The following TRAPPC9 variants were observed in gnomAD, a reference collection of about 807,000 sequenced individuals.
TRAPPC9 encodes the protein IKK2 binding protein.
A neutral mutation model predicts 124.0 loss-of-function variants in TRAPPC9; 83 were observed. The ratio of observed to expected loss-of-function variants is 0.67; its 90% CI spans 0.56 to 0.80. TRAPPC9 has a LOEUF of 0.80. Ranked by LOEUF, TRAPPC9 falls within the 30% of genes least tolerant of loss-of-function variation. The probability of loss-of-function intolerance (pLI) is 0.00; values close to 1 mark genes in which losing one functional copy is unlikely to be tolerated. For synonymous variants in TRAPPC9, 638 were observed against 617.5 expected, an observed-to-expected ratio of 1.03 and a Z score of -0.49; for missense variants, 1,302 against 1,508.3, an observed-to-expected ratio of 0.86 and a Z score of 2.27.
chr8:140,217,024 C>T (rs1203119602), intron 17 of TRAPPC9, among the ~76,000 whole-genome samples: 4 of 152,180 alleles, frequency 2.6e-5, no homozygotes, highest in African/African-American at 9.7e-5. Context: ...TGACAGCCCC[C>T]AACTCGAGGG....
At chr8:140,195,876 C>T (rs1347236662) in intron 17 of TRAPPC9, among the ~76,000 whole-genome samples, 10 of 122,600 alleles carry the variant, frequency 8.2e-5, no homozygotes, top group Non-Finnish European at 1.3e-4. Flanking sequence ...ACACACTCAA[C>T]GATCCACCAT....
At chr8:140,444,786 C>G (rs956584913) in intron 2 of TRAPPC9, among the ~76,000 whole-genome samples, 1 of 146,596 alleles carries the variant, frequency 6.8e-6, no homozygotes, top group Non-Finnish European at 1.5e-5. Context: ...TCACTTGAAC[C>G]GGGGAGGCGG....
At chr8:139,754,371 G>C (rs1036627879) in intron 21 of TRAPPC9, among the ~76,000 whole-genome samples, 1 of 152,242 alleles carries the variant, frequency 6.6e-6, no homozygotes, top group Non-Finnish European at 1.5e-5. Flanking sequence ...CAGGAGTGCA[G>C]CTGGTCTGAA....
chr8:140,429,005 T>C (rs1393630240), intron 4 of TRAPPC9, among the ~76,000 whole-genome samples: 7 of 152,128 alleles, frequency 4.6e-5, no homozygotes, highest in Non-Finnish European at 8.8e-5. Flanking sequence ...TGCTGATACC[T>C]CTAAACCCCG....
chr8:140,254,404 G>T (rs548249468), intron 15 of TRAPPC9, among the ~76,000 whole-genome samples: 27 of 152,328 alleles, frequency 1.8e-4, no homozygotes, highest in Non-Finnish European at 3.2e-4. Context: ...TGCTCTCTCT[G>T]TTCCTGAGTG....
At chr8:140,172,626 C>T (rs548692474) in intron 17 of TRAPPC9, among the ~76,000 whole-genome samples, 2 of 151,982 alleles carry the variant, frequency 1.3e-5, no homozygotes, top group African/African-American at 2.4e-5. Context: ...GAGCTACGAT[C>T]GCAGCAGCAG....
intron 19 of TRAPPC9, among the ~76,000 whole-genome samples, chr8:139,921,166 C>T (rs1461855078): frequency 2.6e-5 from 4 of 152,226 alleles, no homozygotes. Context: ...GCTGTAGTCT[C>T]CTGAGGCCCT....
chr8:140,322,556 G>A (rs938910100), intron 9 of TRAPPC9, among the ~76,000 whole-genome samples: 28 of 152,078 alleles, frequency 1.8e-4, no homozygotes, highest in Admixed American at 1.1e-3. Context: ...AGCCGGATGC[G>A]GTGGCTCACA....
intron 21 of TRAPPC9, among the ~76,000 whole-genome samples, chr8:139,735,315 T>C (rs1293518479): frequency 6.6e-6 from 1 of 152,236 alleles, no homozygotes; most frequent in Non-Finnish European, 1.5e-5. Context: ...CACGTCCCAG[T>C]ACCCATGAGC....
intron 17 of TRAPPC9, among the ~76,000 whole-genome samples, chr8:140,129,293 G>A (rs1418678274): frequency 3.3e-5 from 5 of 152,076 alleles, no homozygotes; most frequent in Non-Finnish European, 5.9e-5. Flanking sequence ...AAGGTGAGGC[G>A]GCACCGACTG....
chr8:140,076,985 G>A (rs1843545746), intron 17 of TRAPPC9, among the ~76,000 whole-genome samples: 1 of 151,824 alleles, frequency 6.6e-6, no homozygotes, highest in Non-Finnish European at 1.5e-5. Context: ...GGGCAACATA[G>A]CAAGACTCTG....
chr8:139,771,889 C>T (rs1314313627), intron 21 of TRAPPC9, among the ~76,000 whole-genome samples: 4 of 152,204 alleles, frequency 2.6e-5, no homozygotes, highest in African/African-American at 4.8e-5. Flanking sequence ...GTGCCCACAG[C>T]CCTCCTGGCT....
chr8:139,954,029 G>A (rs1834825728), intron 19 of TRAPPC9, among the ~76,000 whole-genome samples: 1 of 152,146 alleles, frequency 6.6e-6, no homozygotes, highest in Non-Finnish European at 1.5e-5. Flanking sequence ...AGATCAAAGA[G>A]GAATAGTACT....
chr8:139,816,293 A>G (rs1586908929), intron 21 of TRAPPC9, among the ~76,000 whole-genome samples: 2 of 152,196 alleles, frequency 1.3e-5, no homozygotes, highest in Non-Finnish European at 2.9e-5. Flanking sequence ...GATAGTGGGT[A>G]CCTTCCGGTG....
intron 9 of TRAPPC9, among the ~76,000 whole-genome samples, chr8:140,318,747 A>G (rs2066506261): frequency 6.6e-6 from 1 of 152,234 alleles, no homozygotes; most frequent in Non-Finnish European, 1.5e-5. Flanking sequence ...TTGTGTGTAC[A>G]TACCACATTT....
chr8:140,218,585 GC>G (rs2063259706), intron 17 of TRAPPC9, among the ~76,000 whole-genome samples: 2 of 151,934 alleles, frequency 1.3e-5, no homozygotes, highest in African/African-American at 4.8e-5. Flanking sequence ...AAGACTGTCT[GC>G]TGCTCTGCTA....
intron 17 of TRAPPC9, among the ~76,000 whole-genome samples, chr8:140,033,657 G>GTTTTTTTTTTTTT (rs1491525674): frequency 2.0e-5 from 1 of 49,264 alleles, no homozygotes; most frequent in Non-Finnish European, 5.7e-5. Context: ...TTCATAATGT[G>GTTTTTTTTTTTTT]GTTTTTTTTT....
chr8:140,238,309 G>C (rs1384236816), intron 16 of TRAPPC9: 2 of 152,212 alleles, frequency 1.3e-5, no homozygotes, highest in African/African-American at 4.8e-5. Context: ...CCCACCTACA[G>C]GCTAACAGTG....
intron 11 of TRAPPC9, among the ~76,000 whole-genome samples, chr8:140,291,782 T>A (rs1238392365): frequency 6.6e-6 from 1 of 152,202 alleles, no homozygotes; most frequent in African/African-American, 2.4e-5. Context: ...GGAGACCATA[T>A]CCTTGCCTAG....
Sources: allele counts gnomAD v4.1 joint callset (sites outside exome capture counted in the v4.1 genomes callset), GRCh38; gene constraint gnomAD v4.1.1; transcripts MANE v1.5; gene names NCBI Gene and HGNC (gene_info 2026-07-23, HGNC 2026-07-21).